Variants in MTMR10 observed in about 807,000 individuals in gnomAD.
The protein encoded by MTMR10 is myotubularin related protein 10.
A neutral mutation model predicts 88.1 loss-of-function variants in MTMR10; 56 were observed. The ratio of observed to expected loss-of-function variants is 0.64; its 90% CI spans 0.51 to 0.79. The LOEUF (loss-of-function observed/expected upper bound fraction) is 0.79, where lower values mean the gene tolerates loss of function less well. Among genes scored for constraint, MTMR10 ranks in the 30% least tolerant of loss-of-function variants. MTMR10 has a pLI of 0.00. For missense variants in MTMR10, 883 were observed against 924.7 expected (o/e 0.95, Z 0.58); for synonymous variants, 380 against 340.9 (o/e 1.11, Z -1.26).
At chr15:30,974,290 C>A in intron 5 of MTMR10, 24 bp downstream of exon 5, 2 of 1,542,488 alleles carry the variant, frequency 1.3e-6, no homozygotes, top group South Asian at 1.3e-5. Context: ...GAACCCAGAA[C>A]TTGATAAACC....
In MTMR10 at chr15:30,938,997, T is replaced by C. The variant is rs564397559; in HGVS notation, c.*2473A>G. 111 of 985,322 alleles carry C rather than the reference T, an allele frequency of 1.1e-4. 1 individual carries two copies. The South Asian group carries it at 1.1e-3, about 10-fold the overall frequency. 61.0% of individuals were successfully genotyped at this position (985,322 alleles called of 1,614,324 possible). ...AAAATTTCCTTCACATTCAATACTGTTGAACAACAAGATAACACATCTTCT... is the reference window on the plus strand; with the variant it reads ...AAAATTTCCTTCACATTCAATACTGCTGAACAACAAGATAACACATCTTCT... On this transcript the variant is annotated 3_prime_UTR_variant, in exon 16 of 16. Coordinates refer to ENST00000435680, the MANE Select transcript of MTMR10 (RefSeq NM_017762.3).
the MTMR10 span, chr15:30,927,089 A>T: frequency 1.1e-6 from 1 of 950,752 alleles, no homozygotes; most frequent in Non-Finnish European, 1.3e-6. Flanking sequence ...AGACAGGAGG[A>T]TCACTTGAAC....
chr15:30,929,752 A>ATAAAAT, the MTMR10 span, among the ~76,000 whole-genome samples: 1 of 53,458 alleles, frequency 1.9e-5, no homozygotes, highest in African/African-American at 8.7e-5. Context: ...TATCATATAT[A>ATAAAAT]ATATAATATA....
chr15:30,954,638 C>G (rs2063296656), intron 10 of MTMR10, 125 bp downstream of exon 10: 1 of 986,536 alleles, frequency 1.0e-6, no homozygotes, highest in Admixed American at 3.8e-5. Context: ...ATAATTTGTA[C>G]AAATAGTTCC....
intron 4 of MTMR10, 133 bp downstream of exon 4, chr15:30,974,798 G>A (rs143599515): frequency 2.3e-4 from 127 of 550,742 alleles, no homozygotes; most frequent in African/African-American, 1.7e-3. Flanking sequence ...TTATGTTCCC[G>A]GGACTCAAAA....
chr15:30,961,389 A>T (rs1245603880), intron 6 of MTMR10, among the ~76,000 whole-genome samples: 5 of 151,912 alleles, frequency 3.3e-5, no homozygotes, highest in Non-Finnish European at 7.4e-5. Context: ...ACCTGCCACC[A>T]TGCACCATGT....
At chr15:30,961,765 A>T (rs1221479647) in intron 6 of MTMR10, among the ~76,000 whole-genome samples, 1 of 152,184 alleles carries the variant, frequency 6.6e-6, no homozygotes, top group Admixed American at 6.5e-5. Flanking sequence ...CAGAATGAAG[A>T]ATGGCTGCTG....
intron 14 of MTMR10, 178 bp from the exon 15 acceptor site, chr15:30,943,250 G>C (rs913194129): frequency 6.6e-5 from 90 of 1,359,256 alleles, no homozygotes; most frequent in Non-Finnish European, 7.6e-5. Flanking sequence ...AGCTCAGAGG[G>C]CCCCACAGTC....
At chr15:30,930,339 C>G in the MTMR10 span, among the ~76,000 whole-genome samples, 2 of 152,186 alleles carry the variant, frequency 1.3e-5, no homozygotes, top group Admixed American at 6.5e-5. Context: ...CACAGGAGGA[C>G]CAGTCTCCCA....
chr15:30,983,566 T>C (rs1309883154), intron 2 of MTMR10, among the ~76,000 whole-genome samples: 3 of 152,162 alleles, frequency 2.0e-5, no homozygotes, highest in East Asian at 1.9e-4. Context: ...ACATTTTAGG[T>C]TGGAACACAG....
Position 30,961,257 on chromosome 15 carries a change from G to A in MTMR10, c.566-184C>T, listed in dbSNP as rs192309808. On this transcript the variant is annotated intron_variant, in intron 6 of 15. Coordinates refer to ENST00000435680, the MANE Select transcript of MTMR10 (RefSeq NM_017762.3). ...AATAACTCCTTTTTTTTTTTTTGAC[G>A]GAGTCTCGTTCTGTCGCCCAGGCTG... 6.7e-5 allele frequency among the ~76,000 whole-genome samples: 10 copies of A among 148,914 alleles called. 1 individual carries two copies. The East Asian group carries it at 1.8e-3, about 26-fold the overall frequency.
rs2062994802 is a variant in MTMR10 at position 30,940,256 on chromosome 15, T to C, written c.*1214A>G. 1 of 982,828 alleles carries C rather than the reference T, an allele frequency of 1.0e-6. No individual in the cohort carries two copies. The highest frequency in any genetic ancestry group is 1.2e-6 in the Non-Finnish European group (1 of 828,886). 60.9% of individuals were successfully genotyped at this position (982,828 alleles called of 1,614,324 possible). A position where few individuals can be genotyped will look rare whatever the true frequency, so the allele number is the denominator to read the frequency against. The stretch of plus-strand genomic sequence containing the variant: ...GACCGCTACAGTGGTAGGTAGGCTC[T>C]TGTCACACAGTTTGGAAATACTTTA... On this transcript the variant is annotated 3_prime_UTR_variant, in exon 16 of 16. Transcript: ENST00000435680.
At chr15:30,935,080 C>T (rs565111993), downstream of MTMR10, among the ~76,000 whole-genome samples, 7 of 151,840 alleles carry the variant, frequency 4.6e-5, no homozygotes, top group South Asian at 2.1e-4. Context: ...CTGAGGTGGG[C>T]GGATTGCTTG....
chr15:30,969,689 G>A (rs2063514487), intron 5 of MTMR10, among the ~76,000 whole-genome samples: 2 of 152,106 alleles, frequency 1.3e-5, no homozygotes, highest in Non-Finnish European at 2.9e-5. Context: ...ATCTGCTGTG[G>A]TTCCCAGACA....
At chr15:30,958,485 T>C (rs1217335833) in intron 9 of MTMR10, among the ~76,000 whole-genome samples, 2 of 152,352 alleles carry the variant, frequency 1.3e-5, no homozygotes, top group African/African-American at 4.8e-5. Flanking sequence ...TTAAAACCAC[T>C]GTTCTAGCTA....
At chr15:30,930,752 G>A in the MTMR10 span, 1 of 1,527,980 alleles carries the variant, frequency 6.5e-7, no homozygotes, top group Non-Finnish European at 9.0e-7. Context: ...CATTTCTTGA[G>A]TGGCTGTTGG....
rs765567241 is a variant in MTMR10 at position 30,961,017 on chromosome 15, TACC to T, written c.619_621del (p.Gly207del). 2.7e-5 allele frequency: 42 copies of T among 1,570,688 alleles called. No homozygotes were observed. The African/African-American group carries it at 5.3e-4, about 20-fold the overall frequency. The stretch of plus-strand genomic sequence containing the variant: ...TGGCTGCTGCCACCACCAGCTCCAT[TACC>T]TCCTCCTCCTCCTCCTCCTCCATCT... On this transcript the variant is annotated inframe_deletion, in exon 7 of 16. Coordinates refer to ENST00000435680, the MANE Select transcript of MTMR10 (RefSeq NM_017762.3).
At chr15:30,929,845 A>ATATATCATATATAAAATATAT in the MTMR10 span, among the ~76,000 whole-genome samples, 1 of 61,148 alleles carries the variant, frequency 1.6e-5, no homozygotes, top group East Asian at 3.6e-4. Context: ...ATAATATATA[A>ATATATCATATATAAAATATAT]AATATATATC....
chr15:30,956,665 A>G (rs1030486390), intron 9 of MTMR10, among the ~76,000 whole-genome samples: 1 of 152,228 alleles, frequency 6.6e-6, no homozygotes, highest in Admixed American at 6.5e-5. Flanking sequence ...AGGTTAGGAG[A>G]CGAGGTTGGA....
Sources: allele counts gnomAD v4.1 joint callset (sites outside exome capture counted in the v4.1 genomes callset), GRCh38; gene constraint gnomAD v4.1.1; transcripts MANE v1.5; gene names NCBI Gene and HGNC (gene_info 2026-07-23, HGNC 2026-07-21).